CLDN16: variants seen among roughly 807,000 people sequenced by gnomAD.
The protein encoded by CLDN16 is claudin-16.
A neutral mutation model predicts 24.6 loss-of-function variants in CLDN16; 13 were observed. The observed-to-expected ratio is 0.53, with a 90% CI of 0.34 to 0.84. CLDN16 has a LOEUF of 0.84. CLDN16 is among the 40% of genes least tolerant of loss of function. The pLI, the probability that CLDN16 is intolerant of heterozygous loss-of-function variation, is 0.01. For synonymous variants in CLDN16, 116 were observed against 106.7 expected (o/e 1.09, Z -0.54); for missense variants, 298 against 292.7 (o/e 1.02, Z -0.13).
At position 190,366,868 on chromosome 3, in the gene CLDN16, A is replaced by G. The variant is rs79034412; in HGVS notation, n.122-4025A>G. On this transcript the variant is annotated intron_variant and non_coding_transcript_variant, in intron 1 of 4. Transcript: ENST00000468220. ...GCTTTGGGGAGTATCTTATTCCTGC[A>G]GAGGGATTTCAGAAACATACCATAG... 1.8e-3 allele frequency among the ~76,000 whole-genome samples: 277 copies of G among 152,042 alleles called. 11 individuals carry two copies. The East Asian group carries it at 0.05, about 28-fold the overall frequency.
intron 1 of CLDN16, among the ~76,000 whole-genome samples, chr3:190,335,027 T>C (rs1287419490): frequency 2.8e-5 from 3 of 105,718 alleles, no homozygotes; most frequent in Non-Finnish European, 5.5e-5. Context: ...TTTTTTCTTT[T>C]TTTTTTTTTT....
intron 1 of CLDN16, among the ~76,000 whole-genome samples, chr3:190,349,002 T>G (rs2108634484): frequency 6.6e-6 from 1 of 152,346 alleles, no homozygotes. Context: ...AATCTCATTC[T>G]TTTTCATGGC....
In CLDN16 at chr3:190,408,335, C is replaced by T. The variant is rs570616277; in HGVS notation, c.404C>T (p.Ser135Phe). 8 of 1,614,028 alleles carry T rather than the reference C, an allele frequency of 5.0e-6. No homozygotes were observed. Among genetic ancestry groups the T allele is most frequent in the Admixed American group, 1.7e-5 (1 of 60,012 alleles). Residue 135 changes from serine to phenylalanine, a missense_variant, in exon 4 of 5, where the codon TCT (serine) becomes TTT (phenylalanine). Physicochemically the swap from Ser to Phe is radical, Grantham distance 155. Transcript: ENST00000264734. ...TCAGGTACCCCAGGAATCATTGGCT[C>T]TGTGTGGTATGCTGTTGATGTGTAT... ...LIAGTPGIIG[S>F]VWYAVDVYVE...
chr3:190,322,579 C>CT, exon 1 of CLDN16: 1 of 310,556 alleles, frequency 3.2e-6, no homozygotes, highest in Non-Finnish European at 6.1e-6. Flanking sequence ...GAACGCGCGG[C>CT]TGGCGGCGTG....
At chr3:190,363,328 G>A (rs1253626745) in intron 1 of CLDN16, among the ~76,000 whole-genome samples, 1 of 151,200 alleles carries the variant, frequency 6.6e-6, no homozygotes, top group Admixed American at 6.6e-5. Flanking sequence ...CTTTAAACTG[G>A]TCCATTTTTT....
chr3:190,353,640 A>T (rs964875872), intron 1 of CLDN16, among the ~76,000 whole-genome samples: 1 of 152,132 alleles, frequency 6.6e-6, no homozygotes, highest in Admixed American at 6.6e-5. Flanking sequence ...CGTTCAAACA[A>T]TTGAGATATT....
chr3:190,329,276 A>G (rs187528213), intron 1 of CLDN16, among the ~76,000 whole-genome samples: 17 of 152,268 alleles, frequency 1.1e-4, no homozygotes, highest in Non-Finnish European at 2.5e-4. Context: ...GTGAAAGTGA[A>G]TATTTATACC....
intron 1 of CLDN16, among the ~76,000 whole-genome samples, chr3:190,392,463 G>T (rs531552627): frequency 6.6e-6 from 1 of 151,938 alleles, no homozygotes; most frequent in South Asian, 2.1e-4. Flanking sequence ...CACCATGGTG[G>T]GTACATGGTT....
chr3:190,319,017 G>T (rs972906090), upstream of CLDN16, among the ~76,000 whole-genome samples: 1 of 152,070 alleles, frequency 6.6e-6, no homozygotes, highest in African/African-American at 2.4e-5. Flanking sequence ...CCTCCCATTT[G>T]TCTGGTGCTT....
At chr3:190,356,096 T>C (rs1174028823) in intron 1 of CLDN16, among the ~76,000 whole-genome samples, 1 of 151,760 alleles carries the variant, frequency 6.6e-6, no homozygotes, top group Non-Finnish European at 1.5e-5. Flanking sequence ...AAAATCAATA[T>C]GATTTTTGCT....
At chr3:190,337,861 C>A (rs77077375) in intron 1 of CLDN16, among the ~76,000 whole-genome samples, 10,702 of 152,148 alleles carry the variant, frequency 0.07, 564 homozygotes, top group African/African-American at 0.14. Flanking sequence ...CAAAGGAAGC[C>A]TGGTAGTGGG....
At chr3:190,354,981 A>G (rs1717738885) in intron 1 of CLDN16, among the ~76,000 whole-genome samples, 1 of 152,088 alleles carries the variant, frequency 6.6e-6, no homozygotes, top group Admixed American at 6.6e-5. Context: ...AGAAAAGGTC[A>G]AAGTATTAGT....
intron 4 of CLDN16, 42 bp downstream of exon 4, chr3:190,408,547 T>C: frequency 6.4e-7 from 1 of 1,562,954 alleles, no homozygotes; most frequent in Non-Finnish European, 8.8e-7. Flanking sequence ...GCCTCCACTA[T>C]CGTTTTTCCC....
At chr3:190,346,321 A>C (rs1717549162) in intron 1 of CLDN16, among the ~76,000 whole-genome samples, 1 of 152,218 alleles carries the variant, frequency 6.6e-6, no homozygotes, top group Non-Finnish European at 1.5e-5. Context: ...GTGTGTGACC[A>C]GATTTTGCTA....
In CLDN16 at chr3:190,408,300, T is replaced by A. The variant is rs1430601148; in HGVS notation, c.383-14T>A. ...ATGTCCCCTATTATTTGTAGCATCC[T>A]CCCTTTCTTTCAGGTACCCCAGGAA... On this transcript the variant is annotated splice_polypyrimidine_tract_variant and intron_variant, in intron 3 of 4. Coordinates refer to ENST00000264734, the MANE Select transcript of CLDN16 (RefSeq NM_006580.4). The A allele has an allele frequency of 6.2e-7, 1 of 1,611,584 alleles. No homozygotes were observed. Among genetic ancestry groups the A allele is most frequent in the Non-Finnish European group, 8.5e-7 (1 of 1,177,754 alleles).
At chr3:190,386,723 C>G (rs1168266930), upstream of CLDN16, among the ~76,000 whole-genome samples, 2 of 152,086 alleles carry the variant, frequency 1.3e-5, no homozygotes, top group Admixed American at 6.6e-5. Flanking sequence ...AGGGGTGGTA[C>G]TGTAGACCCT....
intron 3 of CLDN16, among the ~76,000 whole-genome samples, chr3:190,406,987 G>C (rs963901159): frequency 3.3e-5 from 5 of 151,936 alleles, no homozygotes; most frequent in Admixed American, 3.3e-4. Flanking sequence ...TGATCCGCCC[G>C]CCTCGGCCCC....
chr3:190,393,833 C>T (rs992161601), intron 1 of CLDN16, among the ~76,000 whole-genome samples: 2 of 150,908 alleles, frequency 1.3e-5, no homozygotes, highest in African/African-American at 4.9e-5. Flanking sequence ...TCACTGCAGC[C>T]TCCACCTCCT....
At chr3:190,306,291 T>C in the CLDN16 span, 1 of 152,200 alleles carries the variant, frequency 6.6e-6, no homozygotes, top group Non-Finnish European at 1.5e-5. Flanking sequence ...CTGCAGAAGA[T>C]AAGACTTCCT....
Sources: gnomAD v4.1 joint callset for allele counts (sites outside exome capture counted in the v4.1 genomes callset) on GRCh38, gnomAD v4.1.1 for gene constraint, MANE v1.5 for transcripts, NCBI Gene and HGNC (gene_info 2026-07-23, HGNC 2026-07-21) for gene names.